The following PTPN1 variants were observed in gnomAD, a reference collection of about 807,000 sequenced individuals.
PTPN1 encodes the protein protein tyrosine phosphatase non-receptor type 1.
A neutral mutation model predicts 59.9 loss-of-function variants in PTPN1; 12 were observed. That is an observed-to-expected ratio of 0.20 (90% CI 0.13 to 0.32). The LOEUF (loss-of-function observed/expected upper bound fraction) is 0.32, where lower values mean the gene tolerates loss of function less well. PTPN1 is among the 10% of genes least tolerant of loss of function. PTPN1 has a pLI of 1.00. For missense variants in PTPN1, 356 were observed against 549.2 expected (o/e 0.65, Z 3.52); for synonymous variants, 178 against 203.6 (o/e 0.87, Z 1.07).
At chr20:50,567,636 G>C (rs575864887) in intron 3 of PTPN1, among the ~76,000 whole-genome samples, 1 of 152,148 alleles carries the variant, frequency 6.6e-6, no homozygotes, top group African/African-American at 2.4e-5. Context: ...AGGTGAGCTG[G>C]ATTGAAATGG....
At chr20:50,522,084 G>A (rs2082554025) in intron 1 of PTPN1, among the ~76,000 whole-genome samples, 1 of 152,196 alleles carries the variant, frequency 6.6e-6, no homozygotes, top group South Asian at 2.1e-4. Flanking sequence ...AAGGGTTGGT[G>A]GCCTGAGGGA....
intron 5 of PTPN1, among the ~76,000 whole-genome samples, chr20:50,576,092 C>T (rs578189623): frequency 1.3e-5 from 2 of 152,158 alleles, no homozygotes; most frequent in Non-Finnish European, 2.9e-5. Flanking sequence ...GAGTCACCAG[C>T]CCTGCCATAG....
At chr20:50,539,607 T>G (rs2082639785) in intron 1 of PTPN1, among the ~76,000 whole-genome samples, 1 of 152,016 alleles carries the variant, frequency 6.6e-6, no homozygotes, top group African/African-American at 2.4e-5. Flanking sequence ...TAGGGTTTTT[T>G]GTCTATGTGC....
At chr20:50,550,002 A>G (rs767442669) in intron 1 of PTPN1, among the ~76,000 whole-genome samples, 1 of 152,172 alleles carries the variant, frequency 6.6e-6, no homozygotes, top group Non-Finnish European at 1.5e-5. Flanking sequence ...TTTGTGATTA[A>G]CAAAATTTGT....
At chr20:50,565,610 G>C (rs1407916321) in intron 3 of PTPN1, among the ~76,000 whole-genome samples, 9 of 152,212 alleles carry the variant, frequency 5.9e-5, no homozygotes. Context: ...CCTGAAAGTG[G>C]TTTAATAATT....
rs914759650 is a variant in PTPN1, at chr20:50,538,392, C to T, written c.64-22971C>T. On this transcript the variant is annotated intron_variant, in intron 1 of 9. Coordinates refer to ENST00000371621, the MANE Select transcript of PTPN1 (RefSeq NM_002827.4). Reference sequence around the variant, plus strand: ...AAAAATGTAGAAACAGGAGATAAAACGGCCAAGGGGCTATACAAGCAAACA... The same window carrying T: ...AAAAATGTAGAAACAGGAGATAAAATGGCCAAGGGGCTATACAAGCAAACA... 4.6e-5 allele frequency among the ~76,000 whole-genome samples: 7 copies of T among 152,112 alleles called. 1 individual carries two copies. The highest frequency in any genetic ancestry group is 4.1e-4 in the South Asian group (2 of 4,828).
chr20:50,584,394 G>A lies in PTPN1; in HGVS notation c.*1679G>A, dbSNP rs572022090. The A allele has an allele frequency of 6.6e-6, 1 of 152,636 alleles. No individual in the cohort carries two copies. Among genetic ancestry groups the A allele is most frequent in the Non-Finnish European group, 1.5e-5 (1 of 68,012 alleles). 9.5% of individuals were successfully genotyped at this position (152,636 alleles called of 1,614,324 possible). A position where few individuals can be genotyped will look rare whatever the true frequency, so the allele number is the denominator to read the frequency against. On this transcript the variant is annotated 3_prime_UTR_variant, in exon 10 of 10. Transcript: ENST00000371621. ...AGTAGCATTTCAAAATGGACGTACTGGTTTAACCTCCTATCCTTGGAGAGC... is the reference window on the plus strand; with the variant it reads ...AGTAGCATTTCAAAATGGACGTACTAGTTTAACCTCCTATCCTTGGAGAGC...
intron 1 of PTPN1, among the ~76,000 whole-genome samples, chr20:50,536,834 C>T (rs2082625909): frequency 6.6e-6 from 1 of 152,068 alleles, no homozygotes; most frequent in African/African-American, 2.4e-5. Context: ...CTTTTTACCT[C>T]TTGTTAAGAA....
At chr20:50,534,990 C>T (rs371410122) in intron 1 of PTPN1, among the ~76,000 whole-genome samples, 35 of 152,232 alleles carry the variant, frequency 2.3e-4, no homozygotes, top group African/African-American at 8.2e-4. Context: ...TCAGGCGGTC[C>T]TCCTGCATTG....
At chr20:50,549,489 C>T (rs2082692313) in intron 1 of PTPN1, among the ~76,000 whole-genome samples, 1 of 152,128 alleles carries the variant, frequency 6.6e-6, no homozygotes, top group Admixed American at 6.5e-5. Context: ...TTAACCTTGC[C>T]CCAGACCACT....
chr20:50,522,920 A>ATT (rs11287235), intron 1 of PTPN1, among the ~76,000 whole-genome samples: 4 of 140,388 alleles, frequency 2.8e-5, no homozygotes, highest in East Asian at 4.1e-4. Context: ...TGCCCGGCTA[A>ATT]TTTTTTTTTT....
chr20:50,584,389 G>C lies in PTPN1; in HGVS notation c.*1674G>C, dbSNP rs957311077. On this transcript the variant is annotated 3_prime_UTR_variant, in exon 10 of 10. Coordinates refer to ENST00000371621, the MANE Select transcript of PTPN1 (RefSeq NM_002827.4). Reference sequence around the variant, plus strand: ...TATATAGTAGCATTTCAAAATGGACGTACTGGTTTAACCTCCTATCCTTGG... The same window carrying C: ...TATATAGTAGCATTTCAAAATGGACCTACTGGTTTAACCTCCTATCCTTGG... 1.3e-5 allele frequency: 2 copies of C among 152,516 alleles called. No homozygotes were observed. Among genetic ancestry groups the C allele is most frequent in the Non-Finnish European group, 2.9e-5 (2 of 68,028 alleles). 9.4% of individuals were successfully genotyped at this position (152,516 alleles called of 1,614,324 possible).
intron 1 of PTPN1, among the ~76,000 whole-genome samples, chr20:50,515,734 T>G (rs958750070): frequency 6.6e-6 from 1 of 152,222 alleles, no homozygotes; most frequent in Non-Finnish European, 1.5e-5. Context: ...ATTGAATTGA[T>G]GGTCAGTACT....
At chr20:50,550,617 A>T (rs2082698048) in intron 1 of PTPN1, among the ~76,000 whole-genome samples, 1 of 152,226 alleles carries the variant, frequency 6.6e-6, no homozygotes, top group Non-Finnish European at 1.5e-5. Context: ...CTTCTGTTCT[A>T]TAAAGAATGT....
At chr20:50,533,190 T>C (rs2082609044) in intron 1 of PTPN1, among the ~76,000 whole-genome samples, 1 of 152,218 alleles carries the variant, frequency 6.6e-6, no homozygotes, top group Non-Finnish European at 1.5e-5. Context: ...CTAATTTTGC[T>C]ATGAGAGGTT....
intron 1 of PTPN1, among the ~76,000 whole-genome samples, chr20:50,535,886 T>C (rs2082622283): frequency 6.6e-6 from 1 of 151,608 alleles, no homozygotes; most frequent in Admixed American, 6.6e-5. Flanking sequence ...CACCCCCAAA[T>C]AGAGAGAAAG....
At chr20:50,552,635 C>T (rs539867896) in intron 1 of PTPN1, among the ~76,000 whole-genome samples, 1 of 151,904 alleles carries the variant, frequency 6.6e-6, no homozygotes, top group South Asian at 2.1e-4. Context: ...TTGAGACCAG[C>T]CTCAAACTGG....
chr20:50,545,360 G>A (rs1053118776), intron 1 of PTPN1, among the ~76,000 whole-genome samples: 2 of 152,172 alleles, frequency 1.3e-5, no homozygotes, highest in African/African-American at 4.8e-5. Flanking sequence ...AAAATGGGTT[G>A]TGTTTCTTGT....
At chr20:50,553,659 AGC>A (rs745370550) in intron 1 of PTPN1, among the ~76,000 whole-genome samples, 1 of 152,094 alleles carries the variant, frequency 6.6e-6, no homozygotes, top group South Asian at 2.1e-4. Flanking sequence ...TGTGATGCAT[AGC>A]TAGAAGAAAA....
Sources: gnomAD v4.1 joint callset for allele counts (sites outside exome capture counted in the v4.1 genomes callset) on GRCh38, gnomAD v4.1.1 for gene constraint, MANE v1.5 for transcripts, NCBI Gene and HGNC (gene_info 2026-07-23, HGNC 2026-07-21) for gene names.